SCHIP1: variants seen among roughly 807,000 people sequenced by gnomAD.
SCHIP1 encodes schwannomin interacting protein 1.
A neutral mutation model predicts 29.7 loss-of-function variants in SCHIP1; 8 were observed. That is an observed-to-expected ratio of 0.27 (90% CI 0.16 to 0.49). The LOEUF (loss-of-function observed/expected upper bound fraction) is 0.49. Ranked by LOEUF, SCHIP1 falls within the 20% of genes least tolerant of loss-of-function variation. SCHIP1 has a pLI of 0.99. For missense variants in SCHIP1, 193 were observed against 294.6 expected, an observed-to-expected ratio of 0.66 and a Z score of 2.52; for synonymous variants, 76 against 94.9, an observed-to-expected ratio of 0.80 and a Z score of 1.16.
At chr3:159,419,469 C>T in the SCHIP1 span, among the ~76,000 whole-genome samples, 3 of 152,202 alleles carry the variant, frequency 2.0e-5, no homozygotes, top group African/African-American at 7.2e-5. Context: ...GGAGCACATT[C>T]TTTCTCCACA....
the SCHIP1 span, chr3:159,306,654 C>T: frequency 3.4e-5 from 20 of 588,576 alleles, 1 homozygote; most frequent in African/African-American, 3.8e-4. Flanking sequence ...TTTTAAGGAT[C>T]TGGTTCAAAT....
the SCHIP1 span, among the ~76,000 whole-genome samples, chr3:159,347,151 C>A: frequency 6.6e-6 from 1 of 152,214 alleles, no homozygotes; most frequent in African/African-American, 2.4e-5. Context: ...GCACATTGTA[C>A]CATACCATAG....
the SCHIP1 span, among the ~76,000 whole-genome samples, chr3:159,347,653 G>A: frequency 1.3e-5 from 2 of 152,134 alleles, no homozygotes; most frequent in Non-Finnish European, 2.9e-5. Context: ...AAACTCAGGA[G>A]AAATGAGGCA....
the SCHIP1 span, among the ~76,000 whole-genome samples, chr3:159,609,598 T>C: frequency 6.6e-6 from 1 of 152,068 alleles, no homozygotes; most frequent in African/African-American, 2.4e-5. Flanking sequence ...AAGTGCCACT[T>C]TCAGAATGTG....
chr3:159,795,524 AG>A, the SCHIP1 span, among the ~76,000 whole-genome samples: 1 of 152,338 alleles, frequency 6.6e-6, no homozygotes, highest in African/African-American at 2.4e-5. Flanking sequence ...ACGGCCAGTA[AG>A]GGGTCAGAGC....
chr3:159,377,886 C>T, the SCHIP1 span, among the ~76,000 whole-genome samples: 1 of 152,130 alleles, frequency 6.6e-6, no homozygotes, highest in African/African-American at 2.4e-5. Context: ...ACCATCCAGA[C>T]TCAGGAAGAT....
At chr3:159,710,209 T>C in the SCHIP1 span, among the ~76,000 whole-genome samples, 1 of 152,206 alleles carries the variant, frequency 6.6e-6, no homozygotes, top group Non-Finnish European at 1.5e-5. Context: ...CACAGATGAA[T>C]TGCTTTTTTT....
At chr3:159,566,805 C>T in the SCHIP1 span, among the ~76,000 whole-genome samples, 1 of 152,128 alleles carries the variant, frequency 6.6e-6, no homozygotes, top group Non-Finnish European at 1.5e-5. Context: ...CAGAGAGTGC[C>T]GTACCTCCCT....
chr3:159,697,059 C>A, the SCHIP1 span, among the ~76,000 whole-genome samples: 2 of 152,070 alleles, frequency 1.3e-5, no homozygotes, highest in Non-Finnish European at 2.9e-5. Context: ...TCAGACATGC[C>A]TTTTAGAGTG....
chr3:159,641,130 T>C, the SCHIP1 span, among the ~76,000 whole-genome samples: 1 of 152,174 alleles, frequency 6.6e-6, no homozygotes, highest in South Asian at 2.1e-4. Flanking sequence ...AGACCATACC[T>C]GGTATGTAAT....
chr3:159,758,417 C>T, the SCHIP1 span, among the ~76,000 whole-genome samples: 2 of 152,212 alleles, frequency 1.3e-5, no homozygotes, highest in Non-Finnish European at 2.9e-5. Flanking sequence ...TCCCAAAGTG[C>T]TGGGATTACA....
At chr3:159,516,496 C>G in the SCHIP1 span, among the ~76,000 whole-genome samples, 1 of 152,122 alleles carries the variant, frequency 6.6e-6, no homozygotes, top group Non-Finnish European at 1.5e-5. Context: ...CATCATTTCT[C>G]ATGTCCACTA....
At chr3:159,604,204 G>A in the SCHIP1 span, among the ~76,000 whole-genome samples, 21 of 152,146 alleles carry the variant, frequency 1.4e-4, no homozygotes, top group African/African-American at 5.1e-4. Context: ...TGAGTGAAAC[G>A]TAAGAATAAA....
At chr3:159,495,863 G>T in the SCHIP1 span, among the ~76,000 whole-genome samples, 8 of 152,118 alleles carry the variant, frequency 5.3e-5, no homozygotes, top group Non-Finnish European at 1.2e-4. Context: ...ATACTACAAG[G>T]CTACAGTAAC....
the SCHIP1 span, among the ~76,000 whole-genome samples, chr3:159,772,093 G>A: frequency 4.2e-4 from 64 of 152,178 alleles, no homozygotes; most frequent in African/African-American, 1.4e-3. Context: ...TCTTACACCT[G>A]ACAAAAATCA....
chr3:159,383,949 C>G, the SCHIP1 span, among the ~76,000 whole-genome samples: 26 of 150,124 alleles, frequency 1.7e-4, no homozygotes, highest in African/African-American at 6.2e-4. Flanking sequence ...GATTTTTGCA[C>G]ATTGATTTTC....
chr3:159,457,467 A>G, the SCHIP1 span, among the ~76,000 whole-genome samples: 1 of 151,944 alleles, frequency 6.6e-6, no homozygotes, highest in Non-Finnish European at 1.5e-5. Flanking sequence ...CTTTGGGACA[A>G]TTCATTTACT....
chr3:159,654,687 G>A, the SCHIP1 span, among the ~76,000 whole-genome samples: 1 of 151,504 alleles, frequency 6.6e-6, no homozygotes, highest in Non-Finnish European at 1.5e-5. Context: ...CAGGGAGTCA[G>A]TAGGGGCCCA....
the SCHIP1 span, among the ~76,000 whole-genome samples, chr3:159,337,056 A>G: frequency 6.6e-5 from 10 of 152,348 alleles, no homozygotes; most frequent in South Asian, 6.2e-4. Context: ...ACGCAAATCA[A>G]TAAACGTAAT....
Sources: gnomAD v4.1 joint callset for allele counts (sites outside exome capture counted in the v4.1 genomes callset) on GRCh38, gnomAD v4.1.1 for gene constraint, MANE v1.5 for transcripts, NCBI Gene and HGNC (gene_info 2026-07-23, HGNC 2026-07-21) for gene names.